OR2L13: variants seen among roughly 807,000 people sequenced by gnomAD.
The protein encoded by OR2L13 is olfactory receptor family 2 subfamily L member 13, also known as olfactory receptor 2L13.
In OR2L13, 14 loss-of-function variants were observed where a neutral mutation model predicts 15.3. The observed-to-expected ratio is 0.91, with a 90% CI of 0.60 to 1.43. The LOEUF is 1.43. Ranked by LOEUF, OR2L13 falls within the 40% of genes most tolerant of loss-of-function variation. The pLI is 0.00. For synonymous variants in OR2L13, 152 were observed against 142.9 expected (o/e 1.06, Z -0.45); for missense variants, 367 against 387.9 (o/e 0.95, Z 0.45).
chr1:248,100,223 T>C lies in OR2L13; in HGVS notation c.848T>C (p.Met283Thr), dbSNP rs759160490. 5.0e-6 allele frequency: 8 copies of C among 1,613,230 alleles called. No individual in the cohort carries two copies. The highest frequency in any genetic ancestry group is 4.5e-5 in the East Asian group (2 of 44,890). Residue 283 changes from methionine to threonine, a missense_variant, in exon 3 of 3, where the codon ATG becomes ACG. Coordinates refer to ENST00000641714, the Ensembl canonical transcript of OR2L13. ...GTCTTCTACACCATCCTTACCCCCA[T>C]GCTCAATCCCATTATCTACAGCCTG...
At chr1:247,981,163 G>T in the OR2L13 span, among the ~76,000 whole-genome samples, 1 of 152,150 alleles carries the variant, frequency 6.6e-6, no homozygotes, top group African/African-American at 2.4e-5. Context: ...GAAGCTAAAT[G>T]ATGTTCATGG....
At chr1:248,096,498 T>C (rs1033286712), upstream of OR2L13, among the ~76,000 whole-genome samples, 1 of 152,156 alleles carries the variant, frequency 6.6e-6, no homozygotes, top group African/African-American at 2.4e-5. Context: ...ATAAAAACAT[T>C]TTCTCAGGGC....
chr1:248,028,676 C>T, the OR2L13 span, among the ~76,000 whole-genome samples: 1 of 152,168 alleles, frequency 6.6e-6, no homozygotes, highest in Non-Finnish European at 1.5e-5. Context: ...TAGTCAATTT[C>T]TACGTCCAGG....
chr1:248,003,909 G>A, the OR2L13 span: 14 of 1,612,720 alleles, frequency 8.7e-6, no homozygotes, highest in Admixed American at 8.3e-5. Context: ...ACCTATCTAC[G>A]TCCAAGATCC....
the OR2L13 span, among the ~76,000 whole-genome samples, chr1:247,976,554 G>A: frequency 8.3e-4 from 126 of 152,282 alleles, no homozygotes; most frequent in African/African-American, 2.9e-3. Context: ...TTTGAGTGTA[G>A]TAATCATTTC....
At chr1:247,998,282 A>G in the OR2L13 span, among the ~76,000 whole-genome samples, 2 of 152,232 alleles carry the variant, frequency 1.3e-5, no homozygotes, top group Non-Finnish European at 2.9e-5. Context: ...GCTAATTCAT[A>G]AGTGTGTTTT....
At chr1:247,973,645 GAT>G in the OR2L13 span, among the ~76,000 whole-genome samples, 1 of 152,096 alleles carries the variant, frequency 6.6e-6, no homozygotes, top group Admixed American at 6.6e-5. Flanking sequence ...CCCAAAAGAA[GAT>G]ATTTATGTGG....
At chr1:247,977,991 T>A in the OR2L13 span, among the ~76,000 whole-genome samples, 1 of 152,198 alleles carries the variant, frequency 6.6e-6, no homozygotes, top group African/African-American at 2.4e-5. Context: ...AAGGCTGATA[T>A]GAGGCTTCCT....
chr1:248,042,502 C>G, the OR2L13 span, among the ~76,000 whole-genome samples: 7 of 150,798 alleles, frequency 4.6e-5, no homozygotes, highest in African/African-American at 1.7e-4. Flanking sequence ...ACTTAAAGTA[C>G]AATAATAAAA....
chr1:248,037,970 T>C, the OR2L13 span, among the ~76,000 whole-genome samples: 1 of 152,218 alleles, frequency 6.6e-6, no homozygotes, highest in Admixed American at 6.5e-5. Flanking sequence ...TTCAATATGA[T>C]GGTTTGAAAG....
the OR2L13 span, among the ~76,000 whole-genome samples, chr1:247,992,546 C>T: frequency 5.1e-3 from 769 of 152,266 alleles, 8 homozygotes; most frequent in African/African-American, 0.018. Flanking sequence ...TCTAGCAGGG[C>T]ACAGTGTCTG....
the OR2L13 span, among the ~76,000 whole-genome samples, chr1:248,078,273 G>T: frequency 1.3e-5 from 2 of 152,052 alleles, no homozygotes; most frequent in African/African-American, 4.8e-5. Flanking sequence ...ACGAGGTCAG[G>T]AGATCGAAAT....
chr1:248,021,992 G>A, the OR2L13 span: 1 of 1,613,754 alleles, frequency 6.2e-7, no homozygotes, highest in South Asian at 1.1e-5. Flanking sequence ...TCTTATTGGG[G>A]CTGTTCCCAC....
chr1:247,975,059 G>T, the OR2L13 span: 1 of 319,826 alleles, frequency 3.1e-6, no homozygotes, highest in South Asian at 3.6e-5. Context: ...TGTGACTTTA[G>T]CAGGTGCAGA....
chr1:248,070,717 A>G, the OR2L13 span, among the ~76,000 whole-genome samples: 1 of 152,160 alleles, frequency 6.6e-6, no homozygotes. Flanking sequence ...AACAAAATTG[A>G]TAGACCACTA....
the OR2L13 span, chr1:247,974,932 G>T: frequency 3.8e-6 from 1 of 265,650 alleles, no homozygotes; most frequent in Non-Finnish European, 8.1e-6. Context: ...TTACTTAGTC[G>T]GCTCTACCTC....
At chr1:248,033,772 G>A in the OR2L13 span, among the ~76,000 whole-genome samples, 1 of 151,884 alleles carries the variant, frequency 6.6e-6, no homozygotes, top group African/African-American at 2.4e-5. Context: ...ATACATGTCT[G>A]GCTTTATACC....
At chr1:248,003,387 A>C in the OR2L13 span, 1 of 1,609,794 alleles carries the variant, frequency 6.2e-7, no homozygotes, top group Admixed American at 1.7e-5. Context: ...GATTTTCTGC[A>C]TGGAAACAAG....
chr1:247,951,094 T>G, the OR2L13 span, among the ~76,000 whole-genome samples: 1 of 152,286 alleles, frequency 6.6e-6, no homozygotes, highest in African/African-American at 2.4e-5. Context: ...ATCAGTTAGC[T>G]AGAGATACGT....
Sources: gnomAD v4.1 joint callset for allele counts (sites outside exome capture counted in the v4.1 genomes callset) on GRCh38, gnomAD v4.1.1 for gene constraint, MANE v1.5 for transcripts, NCBI Gene and HGNC (gene_info 2026-07-23, HGNC 2026-07-21) for gene names.